The following ARHGEF33 variants were observed in gnomAD, a reference collection of about 807,000 sequenced individuals.
The protein encoded by ARHGEF33 is Rho guanine nucleotide exchange factor 33.
A neutral mutation model predicts 101.9 loss-of-function variants in ARHGEF33; 72 were observed. The observed-to-expected ratio is 0.71, with a 90% CI of 0.58 to 0.86. The LOEUF (loss-of-function observed/expected upper bound fraction) is 0.86. Ranked by LOEUF, ARHGEF33 falls within the 40% of genes least tolerant of loss-of-function variation. The pLI, the probability that ARHGEF33 is intolerant of heterozygous loss-of-function variation, is 0.00. For missense variants in ARHGEF33, 1,169 were observed against 1,111.3 expected (o/e 1.05, Z -0.74); for synonymous variants, 499 against 442.5 (o/e 1.13, Z -1.60).
At chr2:38,899,489 G>T (rs1298115560) in intron 2 of ARHGEF33, among the ~76,000 whole-genome samples, 1 of 152,076 alleles carries the variant, frequency 6.6e-6, no homozygotes, top group Non-Finnish European at 1.5e-5. Flanking sequence ...CTTATATGTG[G>T]AATCTAAATA....
At chr2:38,900,392 A>G (rs556343561) in intron 2 of ARHGEF33, among the ~76,000 whole-genome samples, 1 of 152,296 alleles carries the variant, frequency 6.6e-6, no homozygotes, top group African/African-American at 2.4e-5. Flanking sequence ...ATAAAGAAAG[A>G]TATTTGAGGG....
At chr2:38,962,055 G>C (rs1189899328) in intron 16 of ARHGEF33, among the ~76,000 whole-genome samples, 1 of 152,188 alleles carries the variant, frequency 6.6e-6, no homozygotes, top group Non-Finnish European at 1.5e-5. Flanking sequence ...GGTCCCTGCA[G>C]AGGACAAAAA....
Position 38,895,826 on chromosome 2 carries a change from C to T in ARHGEF33, c.-109C>T, listed in dbSNP as rs561580997. The T allele has an allele frequency of 2.0e-4, 30 of 151,288 alleles. No homozygotes were observed. Among genetic ancestry groups the T allele is most frequent in the African/African-American group, 7.1e-4 (29 of 41,082 alleles). The allele number at this position is 151,288 out of a possible 1,614,324, so 9.4% of individuals were successfully genotyped here. On this transcript the variant is annotated 5_prime_UTR_variant, in exon 2 of 18. Coordinates refer to ENST00000409978, the MANE Select transcript of ARHGEF33 (RefSeq NM_001145451.5). ...GACTTCAAAAAACATGCTGTGATGT[C>T]TCCCAGTGGAGACAGGGCACGAGGT...
In ARHGEF33 at chr2:38,932,525, G is replaced by A. The variant is rs1236409386; in HGVS notation, c.505+1274G>A. On this transcript the variant is annotated intron_variant, in intron 7 of 17. Coordinates refer to ENST00000409978, the MANE Select transcript of ARHGEF33 (RefSeq NM_001145451.5). ...AACTCACTTGGTCCATCTGGGGACC[G>A]GGTTCATTGCAGGTGGCTCTATTTT... 4.6e-5 allele frequency among the ~76,000 whole-genome samples: 7 copies of A among 152,134 alleles called. No homozygotes were observed. The East Asian group carries it at 1.3e-3, about 29-fold the overall frequency.
At chr2:38,953,553 G>GT (rs1372244032) in intron 12 of ARHGEF33, among the ~76,000 whole-genome samples, 1 of 152,116 alleles carries the variant, frequency 6.6e-6, no homozygotes, top group Non-Finnish European at 1.5e-5. Context: ...TATGTGGTGG[G>GT]TTTTTTTCCA....
chr2:38,968,911 T>C (rs1020697392), intron 17 of ARHGEF33, among the ~76,000 whole-genome samples: 1 of 152,158 alleles, frequency 6.6e-6, no homozygotes, highest in Non-Finnish European at 1.5e-5. Context: ...TGTTTTCATA[T>C]GAGGACCATG....
chr2:38,907,572 CTG>C (rs1666419368), intron 2 of ARHGEF33, among the ~76,000 whole-genome samples: 1 of 152,294 alleles, frequency 6.6e-6, no homozygotes, highest in East Asian at 1.9e-4. Context: ...CTGCCACTGC[CTG>C]TGATTTAGCA....
chr2:38,929,918 G>GTA, intron 6 of ARHGEF33, 88 bp downstream of exon 6: 1 of 1,223,750 alleles, frequency 8.2e-7, no homozygotes, highest in Non-Finnish European at 1.1e-6. Context: ...CACTATCAGT[G>GTA]TATAGCTAGC....
chr2:38,908,207 A>G (rs1666435897), intron 2 of ARHGEF33, among the ~76,000 whole-genome samples: 1 of 152,024 alleles, frequency 6.6e-6, no homozygotes, highest in South Asian at 2.1e-4. Flanking sequence ...ATCCAGGGAG[A>G]GAATCTGTTT....
At chr2:38,895,718 G>C (rs984647020) in intron 1 of ARHGEF33, 59 bp from the exon 2 acceptor site, 1 of 150,612 alleles carries the variant, frequency 6.6e-6, no homozygotes, top group Non-Finnish European at 1.5e-5. Context: ...AAAAAATGAT[G>C]GTATAAAATG....
Position 38,928,931 on chromosome 2 carries a change from A to C in ARHGEF33, c.100A>C (p.Lys34Gln). Residue 34 changes from lysine to glutamine, a missense_variant, in exon 5 of 18, where the codon AAA becomes CAA. Lys to Gln is a moderately conservative substitution (Grantham distance 53). Coordinates refer to ENST00000409978, the MANE Select transcript of ARHGEF33 (RefSeq NM_001145451.5). ...YQLQALASEL[K>Q]TGFTEAMQEL... ...GTTGCAGGCCCTAGCCTCCGAACTCAAAACTGGTTTCACAGAAGCAATGCA... is the reference window on the plus strand; with the variant it reads ...GTTGCAGGCCCTAGCCTCCGAACTCCAAACTGGTTTCACAGAAGCAATGCA... The C allele has an allele frequency of 2.6e-6, 4 of 1,550,480 alleles. No individual in the cohort carries two copies. Among genetic ancestry groups the C allele is most frequent in the Non-Finnish European group, 3.5e-6 (4 of 1,146,506 alleles).
At chr2:38,894,976 G>C (rs1374031703) in intron 1 of ARHGEF33, among the ~76,000 whole-genome samples, 1 of 151,974 alleles carries the variant, frequency 6.6e-6, no homozygotes, top group Admixed American at 6.6e-5. Context: ...TAAAATTAAA[G>C]GAAAAAAAGA....
chr2:38,908,900 A>G (rs781540084), intron 2 of ARHGEF33, among the ~76,000 whole-genome samples: 16 of 152,242 alleles, frequency 1.1e-4, no homozygotes, highest in Non-Finnish European at 1.6e-4. Context: ...CTTCAGGCCA[A>G]ACTCTCTATA....
chr2:38,945,548 T>TAGG (rs1435916932), intron 10 of ARHGEF33, among the ~76,000 whole-genome samples: 8 of 152,248 alleles, frequency 5.3e-5, no homozygotes, highest in Admixed American at 5.2e-4. Flanking sequence ...TCCCCCTCCT[T>TAGG]GACCCTCCCA....
At chr2:38,967,936 CTTTTTTTTTTTTT>C (rs397871559) in intron 17 of ARHGEF33, among the ~76,000 whole-genome samples, 14 of 96,368 alleles carry the variant, frequency 1.5e-4, no homozygotes, top group African/African-American at 3.9e-4. Context: ...TTGAGCCTAT[CTTTTTTTTTTTTT>C]TTTTTTTTTT....
intron 2 of ARHGEF33, among the ~76,000 whole-genome samples, chr2:38,914,711 A>G (rs887682769): frequency 1.3e-4 from 19 of 151,854 alleles, no homozygotes; most frequent in African/African-American, 4.6e-4. Context: ...ATACCAATTA[A>G]CTTGGAGAGA....
At chr2:38,940,738 G>C (rs531864582) in intron 9 of ARHGEF33, among the ~76,000 whole-genome samples, 3 of 152,304 alleles carry the variant, frequency 2.0e-5, no homozygotes, top group South Asian at 4.2e-4. Context: ...TATTGCAATT[G>C]AGAAAAAGTT....
intron 13 of ARHGEF33, among the ~76,000 whole-genome samples, chr2:38,955,516 T>G: frequency 1.1e-5 from 1 of 88,772 alleles, no homozygotes; most frequent in East Asian, 4.0e-4. Flanking sequence ...TGAGTCAGGG[T>G]CTGGCTCTGT....
In ARHGEF33 at chr2:38,895,865, A is replaced by C. The variant is rs1666111308; in HGVS notation, c.-86+16A>C. 6.6e-6 allele frequency: 1 copy of C among 152,160 alleles called. No individual in the cohort carries two copies. Among genetic ancestry groups the C allele is most frequent in the African/African-American group, 2.4e-5 (1 of 41,434 alleles). The allele number at this position is 152,160 out of a possible 1,614,324, so 9.4% of individuals were successfully genotyped here. A position where few individuals can be genotyped will look rare whatever the true frequency, so the allele number is the denominator to read the frequency against. ...AGGGCACGAGGTGAGTGAAAATTGC[A>C]AAGAACTGTTTTCTAATAAGAACAC... On this transcript the variant is annotated intron_variant, in intron 2 of 17. Transcript: ENST00000409978.
Sources: gnomAD v4.1 joint callset for allele counts (sites outside exome capture counted in the v4.1 genomes callset) on GRCh38, gnomAD v4.1.1 for gene constraint, MANE v1.5 for transcripts, NCBI Gene and HGNC (gene_info 2026-07-23, HGNC 2026-07-21) for gene names.